Variants in PELI1 observed in about 807,000 individuals in gnomAD.
The protein encoded by PELI1 is E3 ubiquitin-protein ligase pellino homolog 1.
A neutral mutation model predicts 41.3 loss-of-function variants in PELI1; 15 were observed. The observed-to-expected ratio is 0.36, with a 90% CI of 0.24 to 0.56. The LOEUF is 0.56. Ranked by LOEUF, PELI1 falls within the 20% of genes least tolerant of loss-of-function variation. PELI1 has a pLI of 0.82. For missense variants in PELI1, 403 were observed against 525.5 expected (o/e 0.77, Z 2.28); for synonymous variants, 178 against 180.1 (o/e 0.99, Z 0.09).
At chr2:64,126,158 G>C (rs1040069915) in intron 1 of PELI1, among the ~76,000 whole-genome samples, 1 of 151,850 alleles carries the variant, frequency 6.6e-6, no homozygotes, top group Non-Finnish European at 1.5e-5. Context: ...TTAAACCAAG[G>C]GCTGTGGTCT....
chr2:64,102,610 T>A (rs988616311), intron 3 of PELI1, among the ~76,000 whole-genome samples: 4 of 152,226 alleles, frequency 2.6e-5, no homozygotes, highest in African/African-American at 9.6e-5. Context: ...AAAGAGATTT[T>A]AAAACATTGG....
At chr2:64,105,404 C>T (rs1387726548) in intron 2 of PELI1, among the ~76,000 whole-genome samples, 1 of 152,156 alleles carries the variant, frequency 6.6e-6, no homozygotes, top group Non-Finnish European at 1.5e-5. Context: ...TTTTGTTGTT[C>T]AGATCTTATG....
chr2:64,116,941 T>C (rs1260863036), intron 1 of PELI1, among the ~76,000 whole-genome samples: 1 of 152,194 alleles, frequency 6.6e-6, no homozygotes, highest in African/African-American at 2.4e-5. Flanking sequence ...GTATCTGTTA[T>C]GGTGGTCTGT....
intron 1 of PELI1, among the ~76,000 whole-genome samples, chr2:64,125,367 A>G (rs1248239853): frequency 1.3e-5 from 2 of 152,138 alleles, no homozygotes; most frequent in Non-Finnish European, 2.9e-5. Flanking sequence ...ACATCCTATC[A>G]CTCAAAAAAA....
At chr2:64,108,454 T>A (rs1478720778) in intron 1 of PELI1, 75 bp from the exon 2 acceptor site, 4 of 637,510 alleles carry the variant, frequency 6.3e-6, no homozygotes, top group Non-Finnish European at 1.1e-5. Flanking sequence ...TTTTCAGCAG[T>A]CCTCTTGAAC....
At chr2:64,127,494 G>GT (rs1365015249) in intron 1 of PELI1, among the ~76,000 whole-genome samples, 1 of 152,114 alleles carries the variant, frequency 6.6e-6, no homozygotes, top group East Asian at 1.9e-4. Flanking sequence ...AGGTTTTCTT[G>GT]TTTTTTATTT....
rs201658507 is a variant in PELI1 at position 64,095,166 on chromosome 2, C to T, written c.793G>A (p.Val265Met). ...TGTCTTAAAGCTTCTAAATGCTTCA[C>T]GGTAGGAGTGTGGGAAAGGCCTTCT... ...TAEGLSHTPT[V>M]KHLEALRQEI... is the part of the protein sequence containing the mutation. Residue 265 changes from valine (V) to methionine (M), a missense_variant, in exon 7 of 7, where the codon GTG (valine) becomes ATG (methionine). By Grantham distance (21) the Val-to-Met change is conservative (BLOSUM62 1). Coordinates refer to ENST00000358912, the MANE Select transcript of PELI1 (RefSeq NM_020651.4). The T allele has an allele frequency of 1.1e-5, 17 of 1,613,940 alleles. No individual in the cohort carries two copies. The highest frequency in any genetic ancestry group is 3.3e-5 in the Admixed American group (2 of 60,002).
intron 1 of PELI1, among the ~76,000 whole-genome samples, chr2:64,126,172 T>A (rs572233628): frequency 6.6e-6 from 1 of 151,812 alleles, no homozygotes; most frequent in East Asian, 1.9e-4. Context: ...GTGGTCTCCC[T>A]ATTTTTTTTT....
At chr2:64,116,154 T>C (rs868170784) in intron 1 of PELI1, among the ~76,000 whole-genome samples, 5 of 152,182 alleles carry the variant, frequency 3.3e-5, no homozygotes, top group East Asian at 1.9e-4. Context: ...TGCTCCCTGA[T>C]TGTGGAAGGA....
rs567894255 is a variant in PELI1, at chr2:64,144,330, C to T, written c.-319G>A. 3 of 152,346 alleles carry T rather than the reference C, an allele frequency of 2.0e-5. No individual in the cohort carries two copies. The highest frequency in any genetic ancestry group is 7.2e-5 in the African/African-American group (3 of 41,442). The allele number at this position is 152,346 out of a possible 1,614,324, so 9.4% of individuals were successfully genotyped here. A position where few individuals can be genotyped will look rare whatever the true frequency, so the allele number is the denominator to read the frequency against. The stretch of plus-strand genomic sequence containing the variant: ...GGGCTGGGGACCAATTCGACCGCAC[C>T]GCGGGACTAGGGCTGCTGCCGCTGC... On this transcript the variant is annotated 5_prime_UTR_variant, in exon 1 of 7. Coordinates refer to ENST00000358912, the MANE Select transcript of PELI1 (RefSeq NM_020651.4).
At chr2:64,097,510 T>C (rs914039495) in intron 4 of PELI1, among the ~76,000 whole-genome samples, 1 of 152,174 alleles carries the variant, frequency 6.6e-6, no homozygotes, top group African/African-American at 2.4e-5. Flanking sequence ...AAAAATATCT[T>C]CAGAGGTACT....
chr2:64,110,930 T>A (rs1341076887), intron 1 of PELI1, among the ~76,000 whole-genome samples: 3 of 150,814 alleles, frequency 2.0e-5, no homozygotes, highest in South Asian at 2.1e-4. Context: ...CATTTCAAAA[T>A]ATATATATAT....
intron 1 of PELI1, among the ~76,000 whole-genome samples, chr2:64,118,511 T>C (rs7604199): frequency 0.31 from 47,499 of 152,050 alleles, 8,082 homozygotes; most frequent in East Asian, 0.77. Context: ...ATTATACTTT[T>C]TCTTCTGGTG....
intron 1 of PELI1, among the ~76,000 whole-genome samples, chr2:64,110,201 C>A (rs1471362919): frequency 6.9e-6 from 1 of 144,312 alleles, no homozygotes; most frequent in Non-Finnish European, 1.5e-5. Context: ...GCCAAAATTG[C>A]GCCACTGCAC....
At chr2:64,103,638 G>T (rs1306859499) in intron 3 of PELI1, among the ~76,000 whole-genome samples, 1 of 152,184 alleles carries the variant, frequency 6.6e-6, no homozygotes, top group Non-Finnish European at 1.5e-5. Flanking sequence ...AGTAACAGAG[G>T]AGTCCTAGTC....
At chr2:64,141,380 A>C (rs1216419654) in intron 1 of PELI1, among the ~76,000 whole-genome samples, 4 of 148,240 alleles carry the variant, frequency 2.7e-5, no homozygotes, top group Admixed American at 7.0e-5. Context: ...TAATATTTAC[A>C]GTTAAATATA....
rs769847744 is a variant in PELI1, at chr2:64,096,564, G to A, written c.350C>T (p.Thr117Met). ...AGAATTACTTTGACTTCCAGGAACC[G>A]TGTCAGTTACTACAAAATCAATGGG... ...ESPIDFVVTD[T>M]VPGSQSNSDT... The change falls in exon 5 of 7, where the codon ACG becomes ATG. Residue 117 changes from threonine to methionine, a missense_variant. Coordinates refer to ENST00000358912, the MANE Select transcript of PELI1 (RefSeq NM_020651.4). The A allele has an allele frequency of 8.7e-6, 14 of 1,612,430 alleles. No individual in the cohort carries two copies. The highest frequency in any genetic ancestry group is 2.2e-5 in the East Asian group (1 of 44,866).
intron 1 of PELI1, among the ~76,000 whole-genome samples, chr2:64,135,879 C>T (rs1053688352): frequency 2.0e-5 from 3 of 152,204 alleles, no homozygotes; most frequent in South Asian, 4.1e-4. Context: ...CTATTCTCTA[C>T]TTAATTTACA....
chr2:64,098,936 C>G (rs950974814), intron 4 of PELI1, among the ~76,000 whole-genome samples: 1 of 152,070 alleles, frequency 6.6e-6, no homozygotes, highest in Non-Finnish European at 1.5e-5. Context: ...ATGAAAAAGA[C>G]AAAACCCAAA....
Sources: allele counts gnomAD v4.1 joint callset (sites outside exome capture counted in the v4.1 genomes callset), GRCh38; gene constraint gnomAD v4.1.1; transcripts MANE v1.5; gene names NCBI Gene and HGNC (gene_info 2026-07-23, HGNC 2026-07-21).